The following HDAC4 variants were observed in gnomAD, a reference collection of about 807,000 sequenced individuals.
HDAC4 encodes histone deacetylase 4.
Under a neutral mutation model 135.1 loss-of-function variants are expected in HDAC4, and 16 were observed. The ratio of observed to expected loss-of-function variants is 0.12; its 90% CI spans 0.08 to 0.18. The LOEUF (loss-of-function observed/expected upper bound fraction) is 0.18. Among genes scored for constraint, HDAC4 ranks in the 10% least tolerant of loss-of-function variants. The probability of loss-of-function intolerance (pLI) is 1.00; values close to 1 mark genes in which losing one functional copy is unlikely to be tolerated. For missense variants in HDAC4, 1,143 were observed against 1,511.8 expected, an observed-to-expected ratio of 0.76 and a Z score of 4.05; for synonymous variants, 685 against 653.4, an observed-to-expected ratio of 1.05 and a Z score of -0.74.
At chr2:239,070,232 C>T (rs2034036069) in intron 22 of HDAC4, among the ~76,000 whole-genome samples, 1 of 152,216 alleles carries the variant, frequency 6.6e-6, no homozygotes, top group Non-Finnish European at 1.5e-5. Flanking sequence ...GGAACACCAA[C>T]ACACACAGGT....
intron 3 of HDAC4, among the ~76,000 whole-genome samples, chr2:239,213,545 C>A (rs1224879411): frequency 6.6e-6 from 1 of 152,222 alleles, no homozygotes; most frequent in Non-Finnish European, 1.5e-5. Context: ...TATTGTCTAT[C>A]CCCAAAAGCC....
chr2:239,104,843 T>C (rs1032723288), intron 15 of HDAC4, among the ~76,000 whole-genome samples: 3 of 152,262 alleles, frequency 2.0e-5, no homozygotes, highest in Non-Finnish European at 4.4e-5. Context: ...TTAAAGTTGA[T>C]GTTAGAATAA....
At chr2:239,221,753 G>A (rs1440011152) in intron 3 of HDAC4, among the ~76,000 whole-genome samples, 12 of 152,168 alleles carry the variant, frequency 7.9e-5, no homozygotes, top group Non-Finnish European at 8.8e-5. Flanking sequence ...GCCAGTCATC[G>A]TGGACGAGAG....
chr2:239,189,495 G>A (rs965620209), intron 4 of HDAC4, among the ~76,000 whole-genome samples: 8 of 152,186 alleles, frequency 5.3e-5, no homozygotes, highest in African/African-American at 1.7e-4. Flanking sequence ...TCCCAGCAAC[G>A]ATCATTAAGG....
intron 2 of HDAC4, among the ~76,000 whole-genome samples, chr2:239,330,411 C>T (rs1450302564): frequency 2.0e-5 from 3 of 152,268 alleles, no homozygotes; most frequent in South Asian, 4.1e-4. Flanking sequence ...CAGCCAGCAA[C>T]CTGGCAATCA....
chr2:239,273,862 T>C (rs2050198354), intron 2 of HDAC4, among the ~76,000 whole-genome samples: 1 of 152,222 alleles, frequency 6.6e-6, no homozygotes, highest in African/African-American at 2.4e-5. Context: ...TTAACACTTA[T>C]TTGAACAACA....
chr2:239,343,681 C>A (rs1352045768), intron 2 of HDAC4, among the ~76,000 whole-genome samples: 2 of 151,840 alleles, frequency 1.3e-5, no homozygotes, highest in African/African-American at 4.9e-5. Flanking sequence ...TGCCTGCTGC[C>A]CTGCCTGCCC....
At chr2:239,217,129 A>G (rs2046684562) in intron 3 of HDAC4, among the ~76,000 whole-genome samples, 1 of 152,096 alleles carries the variant, frequency 6.6e-6, no homozygotes, top group Non-Finnish European at 1.5e-5. Flanking sequence ...TCAGGAGGAC[A>G]CACCTCCGCA....
At chr2:239,206,655 C>G (rs1342142204) in intron 3 of HDAC4, among the ~76,000 whole-genome samples, 1 of 142,984 alleles carries the variant, frequency 7.0e-6, no homozygotes, top group Admixed American at 6.9e-5. Flanking sequence ...AGATAAATCT[C>G]AAGGACTGAA....
chr2:239,246,516 G>A (rs923749896), intron 2 of HDAC4, among the ~76,000 whole-genome samples: 3 of 151,954 alleles, frequency 2.0e-5, no homozygotes, highest in Non-Finnish European at 4.4e-5. Context: ...GGCGGGGGCC[G>A]GCCAGGCGCT....
At chr2:239,155,584 G>C (rs1299502452) in intron 7 of HDAC4, 1 of 152,486 alleles carries the variant, frequency 6.6e-6, no homozygotes, top group Non-Finnish European at 1.5e-5. Flanking sequence ...ATGACCCTCT[G>C]CTCCAGGGAT....
chr2:239,317,660 C>T (rs1220295462), intron 2 of HDAC4, among the ~76,000 whole-genome samples: 2 of 151,976 alleles, frequency 1.3e-5, no homozygotes, highest in South Asian at 2.1e-4. Context: ...TATAAGTAAA[C>T]AATAAGGAAA....
At chr2:239,391,971 C>G (rs1055546481) in intron 1 of HDAC4, among the ~76,000 whole-genome samples, 1 of 152,194 alleles carries the variant, frequency 6.6e-6, no homozygotes. Flanking sequence ...AGGGAGGGAC[C>G]GCGGGAAGCA....
At chr2:239,060,162 G>A (rs188993033) in intron 24 of HDAC4, among the ~76,000 whole-genome samples, 90 of 152,300 alleles carry the variant, frequency 5.9e-4, no homozygotes, top group Middle Eastern at 3.4e-3. Flanking sequence ...CTAGAGGAGC[G>A]CACTGATGGG....
intron 1 of HDAC4, among the ~76,000 whole-genome samples, chr2:239,363,964 C>T (rs1694010790): frequency 6.6e-6 from 1 of 152,222 alleles, no homozygotes; most frequent in Non-Finnish European, 1.5e-5. Context: ...TCAACACACA[C>T]AAGGTCCTGC....
intron 24 of HDAC4, among the ~76,000 whole-genome samples, chr2:239,055,959 C>T (rs1004766235): frequency 2.0e-5 from 3 of 152,282 alleles, no homozygotes; most frequent in African/African-American, 4.8e-5. Context: ...CGCACGACGA[C>T]GTGTCAAACA....
At chr2:239,084,131 G>T in intron 20 of HDAC4, 24 bp downstream of exon 20, 1 of 1,577,712 alleles carries the variant, frequency 6.3e-7, no homozygotes, top group Non-Finnish European at 8.7e-7. Flanking sequence ...CCTGAGCTGC[G>T]CTGGCCAAGG....
At chr2:239,294,827 A>G (rs1390992401) in intron 2 of HDAC4, among the ~76,000 whole-genome samples, 2 of 152,156 alleles carry the variant, frequency 1.3e-5, no homozygotes, top group Non-Finnish European at 2.9e-5. Flanking sequence ...TGTGAGCACC[A>G]TCCAGGTCAG....
chr2:239,352,752 G>A lies in HDAC4; in HGVS notation c.-53C>T, dbSNP rs914441450. On this transcript the variant is annotated 5_prime_UTR_variant, in exon 2 of 27. Coordinates refer to ENST00000543185, the MANE Select transcript of HDAC4 (RefSeq NM_001378414.1). The surrounding 1 kb of genome is among the most constrained non-coding windows in gnomAD (Gnocchi z 4.4). ...ATTCGAAATGGCTCAAAATTTCCAC[G>A]GAAACGATAGCTCCAACGAGCTCCA... The A allele has an allele frequency of 1.5e-5, 22 of 1,513,934 alleles. No individual in the cohort carries two copies. The highest frequency in any genetic ancestry group is 1.7e-4 in the Middle Eastern group (1 of 5,962). 93.8% of individuals were successfully genotyped at this position (1,513,934 alleles called of 1,614,324 possible). A position where few individuals can be genotyped will look rare whatever the true frequency, so the allele number is the denominator to read the frequency against.
Sources: allele counts gnomAD v4.1 joint callset (sites outside exome capture counted in the v4.1 genomes callset), GRCh38; gene constraint gnomAD v4.1.1; non-coding constraint Gnocchi (gnomAD v3.1); transcripts MANE v1.5; gene names NCBI Gene and HGNC (gene_info 2026-07-23, HGNC 2026-07-21).